Variants in TOM1L1 observed in about 807,000 individuals in gnomAD.
The protein encoded by TOM1L1 is target of myb1 like 1 membrane trafficking protein.
TOM1L1 carries 64 observed loss-of-function variants against 63.4 expected under a neutral mutation model. That is an observed-to-expected ratio of 1.01 (90% CI 0.83 to 1.24). TOM1L1 has a LOEUF of 1.24. TOM1L1 is among the 50% of genes most tolerant of loss of function. TOM1L1 has a pLI of 0.00. For synonymous variants in TOM1L1, 166 were observed against 194.4 expected, an observed-to-expected ratio of 0.85 and a Z score of 1.22; for missense variants, 536 against 567.0, an observed-to-expected ratio of 0.95 and a Z score of 0.55.
intron 14 of TOM1L1, among the ~76,000 whole-genome samples, chr17:54,955,572 G>A (rs2144034709): frequency 6.6e-6 from 1 of 152,280 alleles, no homozygotes; most frequent in East Asian, 1.9e-4. Flanking sequence ...TCAGGCCACA[G>A]ACAAGTAAGA....
At chr17:54,914,524 C>A (rs190217499) in intron 5 of TOM1L1, 115 bp from the exon 6 acceptor site, 1 of 757,760 alleles carries the variant, frequency 1.3e-6, no homozygotes, top group Non-Finnish European at 2.3e-6. Context: ...TTACTCTGGG[C>A]AGATACCCTG....
At chr17:54,917,866 A>G (rs1282587091) in intron 7 of TOM1L1, among the ~76,000 whole-genome samples, 2 of 152,090 alleles carry the variant, frequency 1.3e-5, no homozygotes, top group East Asian at 3.9e-4. Context: ...GGTCTTCTGG[A>G]TTATGTATTC....
In TOM1L1 at chr17:54,913,838, C is replaced by G. The variant is rs576138079; in HGVS notation, c.463C>G (p.Pro155Ala). 5 of 1,611,092 alleles carry G rather than the reference C, an allele frequency of 3.1e-6. No homozygotes were observed. Among genetic ancestry groups the G allele is most frequent in the African/African-American group, 2.7e-5 (2 of 74,898 alleles). Residue 155 changes from proline to alanine, a missense_variant, in exon 5 of 16, where the codon CCC (proline) becomes GCC (alanine). Physicochemically the swap from Pro to Ala is conservative, Grantham distance 27 (BLOSUM62 -1). Coordinates refer to ENST00000575882, the MANE Select transcript of TOM1L1 (RefSeq NM_005486.3). ...GGTTAAGAAAGGCGTTCAGTTTCCT[C>G]CCTCAGAAGCAGAGGCTGAAACAGC... ...DLVKKGVQFP[P>A]SEAEAETARQ...
chr17:54,947,952 A>AT (rs1286014958), intron 12 of TOM1L1, among the ~76,000 whole-genome samples: 1 of 151,910 alleles, frequency 6.6e-6, no homozygotes, highest in Admixed American at 6.6e-5. Flanking sequence ...TCTCCTCTTG[A>AT]TTTCTTCCCA....
At chr17:54,961,152 C>T in intron 15 of TOM1L1, 83 bp from the exon 16 acceptor site, 1 of 968,342 alleles carries the variant, frequency 1.0e-6, no homozygotes, top group East Asian at 2.6e-5. Flanking sequence ...CTCCAGCTTC[C>T]CAGTAAAGAC....
At chr17:54,948,766 T>C (rs2049161487) in intron 12 of TOM1L1, among the ~76,000 whole-genome samples, 1 of 152,204 alleles carries the variant, frequency 6.6e-6, no homozygotes, top group Non-Finnish European at 1.5e-5. Flanking sequence ...ATTTGTGGAG[T>C]GAATAAGGAA....
At chr17:54,960,935 G>A (rs957306721) in intron 15 of TOM1L1, among the ~76,000 whole-genome samples, 1 of 152,176 alleles carries the variant, frequency 6.6e-6, no homozygotes, top group Non-Finnish European at 1.5e-5. Context: ...TTTTTCATAT[G>A]CAGTTAATAC....
chr17:54,916,558 C>G (rs947163958), intron 7 of TOM1L1: 1 of 151,944 alleles, frequency 6.6e-6, no homozygotes, highest in African/African-American at 2.4e-5. Flanking sequence ...ATTTTAGAAG[C>G]AGTTAGAAAA....
rs1488342493 is a variant in TOM1L1 at position 54,961,470 on chromosome 17, C to T, written c.*237C>T. 6.9e-7 allele frequency: 1 copy of T among 1,450,068 alleles called. No individual in the cohort carries two copies. Among genetic ancestry groups the T allele is most frequent in the African/African-American group, 1.4e-5 (1 of 69,810 alleles). The allele number at this position is 1,450,068 out of a possible 1,614,324, so 89.8% of individuals were successfully genotyped here. On this transcript the variant is annotated 3_prime_UTR_variant, in exon 16 of 16. Coordinates refer to ENST00000575882, the MANE Select transcript of TOM1L1 (RefSeq NM_005486.3). ...TGGAACAAATACTCACTTAAAACTT[C>T]AGCAGAAGAAAAATTACTTAGTCCT...
At chr17:54,931,689 G>A (rs1214487287) in intron 8 of TOM1L1, among the ~76,000 whole-genome samples, 1 of 152,128 alleles carries the variant, frequency 6.6e-6, no homozygotes, top group Non-Finnish European at 1.5e-5. Context: ...TTTAGTCCCA[G>A]CTACTTAGGA....
At chr17:54,940,002 GGAGTAGCTGGAACCTCCT>G (rs907581078) in intron 11 of TOM1L1, among the ~76,000 whole-genome samples, 1 of 152,092 alleles carries the variant, frequency 6.6e-6, no homozygotes, top group African/African-American at 2.4e-5. Flanking sequence ...AAAACCTGAT[GGAGTAGCTGGAACCTCCT>G]GAGTAGCTGG....
intron 7 of TOM1L1, among the ~76,000 whole-genome samples, chr17:54,928,359 A>G (rs1257180647): frequency 7.6e-6 from 1 of 132,258 alleles, no homozygotes; most frequent in East Asian, 2.2e-4. Flanking sequence ...TTATAGATGG[A>G]AAAAAACCAA....
intron 11 of TOM1L1, among the ~76,000 whole-genome samples, chr17:54,946,115 C>T (rs1349601383): frequency 1.3e-5 from 2 of 152,192 alleles, no homozygotes; most frequent in African/African-American, 4.8e-5. Flanking sequence ...AAAGCCTTTG[C>T]AGTGCCATTC....
intron 14 of TOM1L1, among the ~76,000 whole-genome samples, chr17:54,958,880 G>T (rs2077032140): frequency 6.6e-6 from 1 of 152,166 alleles, no homozygotes; most frequent in Non-Finnish European, 1.5e-5. Context: ...ATAGGATCTG[G>T]CATAGAAGGA....
chr17:54,948,389 C>G (rs548602973), intron 12 of TOM1L1, among the ~76,000 whole-genome samples: 1 of 152,134 alleles, frequency 6.6e-6, no homozygotes, highest in South Asian at 2.1e-4. Flanking sequence ...CCGATCTGAC[C>G]GCACCCGTCA....
At position 54,945,673 on chromosome 17, in the gene TOM1L1, G is replaced by T. The variant is rs529218990; in HGVS notation, c.1131-1588G>T. On this transcript the variant is annotated intron_variant, in intron 11 of 15. Coordinates refer to ENST00000575882, the MANE Select transcript of TOM1L1 (RefSeq NM_005486.3). Reference sequence around the variant, plus strand: ...TTTGCTATTGAGCTCATTCTGTTAAGTTTTTTTTTTAATTCAGTTATTGTA... The same window carrying T: ...TTTGCTATTGAGCTCATTCTGTTAATTTTTTTTTTTAATTCAGTTATTGTA... 6.3e-3 allele frequency among the ~76,000 whole-genome samples: 941 copies of T among 149,032 alleles called. 2 individuals carry two copies. The highest frequency in any genetic ancestry group is 0.014 in the Middle Eastern group (4 of 288).
intron 14 of TOM1L1, chr17:54,955,095 G>A (rs544262980): frequency 6.6e-6 from 1 of 152,266 alleles, no homozygotes; most frequent in East Asian, 1.9e-4. Flanking sequence ...ACAGTCTGAG[G>A]GGCTTCCAAA....
chr17:54,921,095 C>T (rs554074703), intron 7 of TOM1L1, among the ~76,000 whole-genome samples: 2 of 152,194 alleles, frequency 1.3e-5, no homozygotes, highest in Admixed American at 6.5e-5. Context: ...GTTTGCACCC[C>T]GGGCTTTGTC....
At chr17:54,932,914 G>C (rs1419443711) in intron 8 of TOM1L1, among the ~76,000 whole-genome samples, 2 of 152,196 alleles carry the variant, frequency 1.3e-5, no homozygotes, top group East Asian at 3.9e-4. Context: ...CTTCAAGGGG[G>C]AACTTGTGTT....
Sources: allele counts gnomAD v4.1 joint callset (sites outside exome capture counted in the v4.1 genomes callset), GRCh38; gene constraint gnomAD v4.1.1; transcripts MANE v1.5; gene names NCBI Gene and HGNC (gene_info 2026-07-23, HGNC 2026-07-21).